Variants in NTRK2 observed in about 807,000 individuals in gnomAD.
NTRK2 encodes the protein BDNF/NT-3 growth factors receptor.
In NTRK2, 13 loss-of-function variants were observed where a neutral mutation model predicts 94.5. The observed-to-expected ratio is 0.14, with a 90% CI of 0.09 to 0.22. The LOEUF (loss-of-function observed/expected upper bound fraction) is 0.22. Ranked by LOEUF, NTRK2 falls within the 10% of genes least tolerant of loss-of-function variation. The pLI is 1.00. For missense variants in NTRK2, 639 were observed against 1,071.2 expected (o/e 0.60, Z 5.63); for synonymous variants, 372 against 407.4 (o/e 0.91, Z 1.05).
At chr9:84,899,456 C>CTT (rs1158350177) in intron 14 of NTRK2, among the ~76,000 whole-genome samples, 1 of 152,156 alleles carries the variant, frequency 6.6e-6, no homozygotes, top group Non-Finnish European at 1.5e-5. Flanking sequence ...TTATCCTTTA[C>CTT]TTTTTTTCTC....
In NTRK2 at chr9:84,681,107, C is replaced by G. The variant is rs998859527; in HGVS notation, c.212+10147C>G. Reference sequence around the variant, plus strand: ...TGGGCTACATCACCCTCATCCATTACTTATGTTACCTTCTTTGTGCTAATG... The same window carrying G: ...TGGGCTACATCACCCTCATCCATTAGTTATGTTACCTTCTTTGTGCTAATG... On this transcript the variant is annotated intron_variant, in intron 2 of 18. Transcript: ENST00000277120. 2.0e-5 allele frequency among the ~76,000 whole-genome samples: 3 copies of G among 152,198 alleles called. No homozygotes were observed. In the South Asian group the frequency reaches 6.2e-4, roughly 32 times the overall value.
At chr9:84,875,641 C>T in intron 14 of NTRK2, 8 of 1,058,138 alleles carry the variant, frequency 7.6e-6, no homozygotes, top group Non-Finnish European at 9.1e-6. Flanking sequence ...CCTTCACTTC[C>T]ATCAAGGATA....
At chr9:85,021,129 A>G in intron 18 of NTRK2, 123 bp from the exon 19 acceptor site, 1 of 822,812 alleles carries the variant, frequency 1.2e-6, no homozygotes, top group Non-Finnish European at 2.0e-6. Flanking sequence ...CCTTCTGAGA[A>G]AACAAAACCA....
chr9:84,881,981 T>C (rs1415863594), intron 14 of NTRK2, among the ~76,000 whole-genome samples: 1 of 152,232 alleles, frequency 6.6e-6, no homozygotes, highest in African/African-American at 2.4e-5. Context: ...AATAGTCATA[T>C]GGTGGGTATT....
chr9:84,874,555 T>A, intron 14 of NTRK2: 1 of 1,064,408 alleles, frequency 9.4e-7, no homozygotes, highest in Non-Finnish European at 1.1e-6. Flanking sequence ...TGTTTAGTTT[T>A]TCTTGATTGT....
At chr9:84,953,282 T>G (rs1293607157) in intron 16 of NTRK2, among the ~76,000 whole-genome samples, 1 of 152,244 alleles carries the variant, frequency 6.6e-6, no homozygotes, top group Non-Finnish European at 1.5e-5. Flanking sequence ...GTCAATTTCA[T>G]TTTTAAAGAG....
At chr9:84,845,661 C>T (rs1321238971) in intron 12 of NTRK2, among the ~76,000 whole-genome samples, 2 of 152,124 alleles carry the variant, frequency 1.3e-5, no homozygotes, top group African/African-American at 4.8e-5. Context: ...AGTGAAGTAA[C>T]ATAGGAATGA....
At chr9:84,979,009 C>T (rs4633135) in intron 17 of NTRK2, among the ~76,000 whole-genome samples, 76,103 of 152,024 alleles carry the variant, frequency 0.5, 19,537 homozygotes, top group Middle Eastern at 0.6. Context: ...AATGTTACTG[C>T]TTATTGACAA....
chr9:84,700,084 C>T (rs909099149), intron 2 of NTRK2, among the ~76,000 whole-genome samples: 1 of 152,214 alleles, frequency 6.6e-6, no homozygotes, highest in East Asian at 1.9e-4. Flanking sequence ...TGACAGGCCT[C>T]ATGCTTACAC....
chr9:84,822,311 A>G (rs1011932225), intron 12 of NTRK2, among the ~76,000 whole-genome samples: 2 of 152,006 alleles, frequency 1.3e-5, no homozygotes, highest in African/African-American at 4.8e-5. Flanking sequence ...TCTATACTCA[A>G]TTCCTCAAAG....
intron 17 of NTRK2, among the ~76,000 whole-genome samples, chr9:84,974,322 T>G (rs1324196190): frequency 6.6e-6 from 1 of 152,208 alleles, no homozygotes; most frequent in African/African-American, 2.4e-5. Flanking sequence ...AGGTGGCAAA[T>G]GAATCAATCG....
At chr9:84,788,736 A>T (rs761906155) in intron 12 of NTRK2, among the ~76,000 whole-genome samples, 4 of 152,000 alleles carry the variant, frequency 2.6e-5, no homozygotes, top group Non-Finnish European at 5.9e-5. Context: ...GGAATTCGAG[A>T]GGTGGCCTGG....
intron 9 of NTRK2, among the ~76,000 whole-genome samples, chr9:84,739,615 T>C (rs2063495571): frequency 6.6e-6 from 1 of 152,192 alleles, no homozygotes; most frequent in South Asian, 2.1e-4. Flanking sequence ...CACTTTCTTA[T>C]GGAGCTGTAG....
intron 5 of NTRK2, 89 bp from the exon 6 acceptor site, chr9:84,710,548 G>GAATTCAT: frequency 1.4e-6 from 2 of 1,381,480 alleles, no homozygotes; most frequent in Middle Eastern, 1.9e-4. Flanking sequence ...TGGCTAGAAA[G>GAATTCAT]AATTCATAAT....
chr9:84,833,914 T>C (rs912632085), intron 12 of NTRK2, among the ~76,000 whole-genome samples: 1 of 152,218 alleles, frequency 6.6e-6, no homozygotes, highest in Non-Finnish European at 1.5e-5. Context: ...GATTCCACTG[T>C]GCAGCAAGGG....
intron 14 of NTRK2, chr9:84,874,233 G>T (rs1278979930): frequency 3.8e-6 from 4 of 1,065,242 alleles, no homozygotes; most frequent in African/African-American, 1.6e-5. Flanking sequence ...CTCCTATGTT[G>T]CTAAGAAGCT....
intron 9 of NTRK2, among the ~76,000 whole-genome samples, chr9:84,738,319 T>C (rs1374436245): frequency 2.0e-5 from 3 of 148,372 alleles, no homozygotes; most frequent in Non-Finnish European, 4.4e-5. Context: ...CTTGGATTTT[T>C]TTCTCATAGC....
intron 14 of NTRK2, chr9:84,873,287 A>G (rs202195708): frequency 1.0e-4 from 110 of 1,059,618 alleles, no homozygotes; most frequent in Non-Finnish European, 1.2e-4. Context: ...AGTTGTTTGT[A>G]TGCCTTGGAA....
At chr9:84,798,084 G>T (rs890987003) in intron 12 of NTRK2, among the ~76,000 whole-genome samples, 20 of 151,150 alleles carry the variant, frequency 1.3e-4, no homozygotes, top group Admixed American at 9.3e-4. Context: ...AGTCCTGGAG[G>T]CTGGGAAGTC....
Sources: allele counts gnomAD v4.1 joint callset (sites outside exome capture counted in the v4.1 genomes callset), GRCh38; gene constraint gnomAD v4.1.1; transcripts MANE v1.5; gene names NCBI Gene and HGNC (gene_info 2026-07-23, HGNC 2026-07-21).